Variants in PIGK observed in about 807,000 individuals in gnomAD.
PIGK encodes phosphatidylinositol glycan anchor biosynthesis class K, also known as GPI-anchor transamidase.
PIGK carries 42 observed loss-of-function variants against 50.6 expected under a neutral mutation model. The ratio of observed to expected loss-of-function variants is 0.83; its 90% CI spans 0.65 to 1.07. PIGK has a LOEUF of 1.07. Among genes scored for constraint, PIGK ranks in the 50% least tolerant of loss-of-function variants. The probability of loss-of-function intolerance (pLI) is 0.00; values close to 1 mark genes in which losing one functional copy is unlikely to be tolerated. For missense variants in PIGK, 448 were observed against 488.7 expected, an observed-to-expected ratio of 0.92 and a Z score of 0.78; for synonymous variants, 151 against 156.0, an observed-to-expected ratio of 0.97 and a Z score of 0.24.
In PIGK at chr1:77,206,731, C is replaced by A; in HGVS notation, c.148G>T (p.Val50Leu). 1.3e-6 allele frequency: 2 copies of A among 1,591,656 alleles called. No homozygotes were observed. Among genetic ancestry groups the A allele is most frequent in the Non-Finnish European group, 8.6e-7 (1 of 1,160,498 alleles). ...TTAAACCAGAATCGGGATGTACACA[C>A]CTGAAGTATTAAAACAAAAACAGAA... ...SGHTNNWAVL[V>L]CTSRFWFNYR... Residue 50 changes from valine (V) to leucine (L), a missense_variant and splice_region_variant, in exon 3 of 11, where the codon GTG becomes TTG. Physicochemically the swap from Val to Leu is conservative, Grantham distance 32. Coordinates refer to ENST00000370812, the MANE Select transcript of PIGK (RefSeq NM_005482.3).
At position 77,169,473 on chromosome 1, in the gene PIGK, GCTA is replaced by G. The variant is rs1655309271; in HGVS notation, c.240-81_240-79del. On this transcript the variant is annotated intron_variant, in intron 3 of 10. Transcript: ENST00000370812. ...AACACAAATTTATTTATATCATGTA[GCTA>G]CTGTGTTCATTTTTCTCCTCCTTAA... 5.2e-6 allele frequency: 6 copies of G among 1,157,660 alleles called. No homozygotes were observed. The South Asian group carries it at 9.3e-5, about 18-fold the overall frequency. The allele number at this position is 1,157,660 out of a possible 1,614,324, so 71.7% of individuals were successfully genotyped here.
At chr1:77,206,215 C>T (rs1656282695) in intron 3 of PIGK, among the ~76,000 whole-genome samples, 1 of 152,120 alleles carries the variant, frequency 6.6e-6, no homozygotes, top group Non-Finnish European at 1.5e-5. Flanking sequence ...TGCTATGTCT[C>T]TTCTAATATC....
At chr1:77,170,014 T>C (rs1251844191) in intron 3 of PIGK, among the ~76,000 whole-genome samples, 2 of 152,146 alleles carry the variant, frequency 1.3e-5, no homozygotes, top group Non-Finnish European at 2.9e-5. Context: ...GCAACCACCA[T>C]CTTCTGGCTA....
intron 9 of PIGK, among the ~76,000 whole-genome samples, chr1:77,151,884 C>T (rs963544646): frequency 4.6e-5 from 7 of 152,018 alleles, no homozygotes; most frequent in Admixed American, 1.3e-4. Flanking sequence ...ATGGATTGCA[C>T]GAAATAACAT....
intron 3 of PIGK, among the ~76,000 whole-genome samples, chr1:77,176,097 A>G (rs1429277817): frequency 6.6e-6 from 1 of 152,184 alleles, no homozygotes; most frequent in East Asian, 1.9e-4. Flanking sequence ...TCTCCCCTCT[A>G]TCAATGAGTA....
At chr1:77,194,888 G>A (rs1223794972) in intron 3 of PIGK, 7 of 462,094 alleles carry the variant, frequency 1.5e-5, no homozygotes, top group Admixed American at 7.7e-5. Flanking sequence ...CTGATATTTC[G>A]GACAGGGAAC....
intron 6 of PIGK, 26 bp from the exon 7 acceptor site, chr1:77,161,737 G>T: frequency 1.1e-6 from 1 of 906,726 alleles, no homozygotes; most frequent in South Asian, 1.3e-5. Context: ...TAACATCTTT[G>T]ACAAGGATCA....
At chr1:77,157,579 C>T (rs892643904) in intron 8 of PIGK, among the ~76,000 whole-genome samples, 5 of 152,146 alleles carry the variant, frequency 3.3e-5, no homozygotes, top group African/African-American at 1.2e-4. Flanking sequence ...GTAATTGGAA[C>T]TTAGGTGACT....
At chr1:77,113,578 A>G (rs964335043) in intron 10 of PIGK, among the ~76,000 whole-genome samples, 6 of 151,932 alleles carry the variant, frequency 3.9e-5, no homozygotes, top group Non-Finnish European at 7.4e-5. Flanking sequence ...AAAGAGATTT[A>G]AAAAAAATAG....
At chr1:77,123,936 T>C (rs1374226862) in intron 9 of PIGK, among the ~76,000 whole-genome samples, 1 of 151,808 alleles carries the variant, frequency 6.6e-6, no homozygotes, top group Non-Finnish European at 1.5e-5. Flanking sequence ...CATGAGGTCA[T>C]TAGGGTTGAT....
At chr1:77,183,842 T>C (rs970660471) in intron 3 of PIGK, among the ~76,000 whole-genome samples, 2 of 152,104 alleles carry the variant, frequency 1.3e-5, no homozygotes, top group African/African-American at 2.4e-5. Context: ...CCCAAAGGAT[T>C]AGGGAGATTG....
intron 10 of PIGK, among the ~76,000 whole-genome samples, chr1:77,119,664 T>C (rs1186032208): frequency 2.0e-5 from 3 of 152,200 alleles, no homozygotes; most frequent in Admixed American, 1.3e-4. Flanking sequence ...TCACACACAA[T>C]AAATGAATTA....
intron 9 of PIGK, 86 bp from the exon 10 acceptor site, chr1:77,122,445 A>G: frequency 1.3e-6 from 1 of 747,776 alleles, no homozygotes; most frequent in South Asian, 1.7e-5. Context: ...AATATGAAAT[A>G]TAGTAAAATG....
At chr1:77,182,657 C>T (rs191430429) in intron 3 of PIGK, among the ~76,000 whole-genome samples, 7 of 152,246 alleles carry the variant, frequency 4.6e-5, no homozygotes, top group African/African-American at 1.4e-4. Context: ...CCTAGAGGAA[C>T]AGAATATTAA....
chr1:77,210,801 G>A (rs1433178076), intron 1 of PIGK, among the ~76,000 whole-genome samples: 1 of 152,016 alleles, frequency 6.6e-6, no homozygotes, highest in Middle Eastern at 3.2e-3. Flanking sequence ...GTTTCCTCAT[G>A]TGCAAAATGA....
intron 10 of PIGK, among the ~76,000 whole-genome samples, chr1:77,101,734 G>A (rs948914757): frequency 1.2e-4 from 18 of 152,046 alleles, no homozygotes; most frequent in East Asian, 1.9e-4. Flanking sequence ...GGCCAGGTGC[G>A]GTGGCTCACA....
At position 77,197,008 on chromosome 1, in the gene PIGK, T is replaced by A. The variant is rs145208327; in HGVS notation, c.239+9632A>T. On this transcript the variant is annotated intron_variant, in intron 3 of 10. Transcript: ENST00000370812. ...AATTTTTGTATATGCCTTTTTATGA[T>A]CTTTCTAATGATATTTAACACTCTC... 2.0e-4 allele frequency among the ~76,000 whole-genome samples: 31 copies of A among 152,242 alleles called. 2 individuals carry two copies. The East Asian group carries it at 5.8e-3, about 28-fold the overall frequency.
intron 10 of PIGK, among the ~76,000 whole-genome samples, chr1:77,098,851 G>T (rs1020777303): frequency 6.6e-6 from 1 of 151,856 alleles, no homozygotes; most frequent in Admixed American, 6.6e-5. Flanking sequence ...GCTAACACTT[G>T]AAAAAAATCA....
At chr1:77,203,526 TC>T (rs1380486395) in intron 3 of PIGK, among the ~76,000 whole-genome samples, 2 of 152,148 alleles carry the variant, frequency 1.3e-5, no homozygotes, top group African/African-American at 4.8e-5. Flanking sequence ...TATGAGTGTA[TC>T]TTTGCATTTT....
Sources: gnomAD v4.1 joint callset for allele counts (sites outside exome capture counted in the v4.1 genomes callset) on GRCh38, gnomAD v4.1.1 for gene constraint, MANE v1.5 for transcripts, NCBI Gene and HGNC (gene_info 2026-07-23, HGNC 2026-07-21) for gene names.